KIT: variants seen among roughly 807,000 people sequenced by gnomAD.
KIT encodes the protein mast/stem cell growth factor receptor Kit.
A neutral mutation model predicts 105.7 loss-of-function variants in KIT; 16 were observed. The ratio of observed to expected loss-of-function variants is 0.15; its 90% CI spans 0.10 to 0.23. KIT has a LOEUF of 0.23. Among genes scored for constraint, KIT ranks in the 10% least tolerant of loss-of-function variants. KIT has a pLI of 1.00. For missense variants in KIT, 858 were observed against 1,213.8 expected (o/e 0.71, Z 4.36); for synonymous variants, 438 against 441.1 (o/e 0.99, Z 0.09).
chr4:54,669,854 A>G (rs1352916147), intron 1 of KIT, among the ~76,000 whole-genome samples: 1 of 152,250 alleles, frequency 6.6e-6, no homozygotes, highest in East Asian at 1.9e-4. Flanking sequence ...AGTTCAAAAA[A>G]GAGGAAAGCC....
intron 7 of KIT, among the ~76,000 whole-genome samples, chr4:54,717,089 G>A (rs1463513560): frequency 2.0e-5 from 3 of 152,026 alleles, no homozygotes; most frequent in Non-Finnish European, 2.9e-5. Flanking sequence ...AATTGCTTGG[G>A]AATTATGAAT....
chr4:54,732,966 A>AT, intron 16 of KIT, 104 bp from the exon 17 acceptor site: 1 of 976,400 alleles, frequency 1.0e-6, no homozygotes, highest in South Asian at 1.5e-5. Flanking sequence ...AAAGTATTGG[A>AT]TTTTTTATAA....
intron 1 of KIT, among the ~76,000 whole-genome samples, chr4:54,673,123 GC>G (rs1308442021): frequency 6.6e-6 from 1 of 152,136 alleles, no homozygotes; most frequent in African/African-American, 2.4e-5. Flanking sequence ...TATAGTATTG[GC>G]TGCTGTAGGT....
At chr4:54,683,477 A>G (rs755095185) in intron 1 of KIT, among the ~76,000 whole-genome samples, 20 of 152,202 alleles carry the variant, frequency 1.3e-4, no homozygotes, top group Non-Finnish European at 2.9e-4. Flanking sequence ...TTCTCCACCA[A>G]AAGGTGGGGG....
chr4:54,659,013 C>G (rs1369982967), intron 1 of KIT, among the ~76,000 whole-genome samples: 3 of 152,114 alleles, frequency 2.0e-5, no homozygotes, highest in African/African-American at 4.8e-5. Flanking sequence ...GCCAGAGTGC[C>G]CGGCCTGCCT....
At chr4:54,704,270 C>A (rs1720644152) in intron 5 of KIT, among the ~76,000 whole-genome samples, 1 of 152,190 alleles carries the variant, frequency 6.6e-6, no homozygotes. Context: ...TGAAGTATTT[C>A]TCTGAAACTT....
At chr4:54,658,666 C>G (rs911388030) in intron 1 of KIT, among the ~76,000 whole-genome samples, 10 of 152,050 alleles carry the variant, frequency 6.6e-5, no homozygotes, top group African/African-American at 2.4e-4. Flanking sequence ...CGGCGCCACC[C>G]GTGGAGACCA....
intron 6 of KIT, 106 bp from the exon 7 acceptor site, chr4:54,709,318 A>C: frequency 1.3e-6 from 1 of 756,100 alleles, no homozygotes; most frequent in Admixed American, 2.0e-5. Context: ...TAAATGAGTT[A>C]TATTTTTCCT....
chr4:54,720,346 A>G (rs1721788654), intron 7 of KIT, among the ~76,000 whole-genome samples: 1 of 152,192 alleles, frequency 6.6e-6, no homozygotes, highest in Admixed American at 6.5e-5. Context: ...AACTTAACAA[A>G]ACTGCTTAAT....
At chr4:54,737,367 C>T in intron 20 of KIT, 87 bp downstream of exon 20, 1 of 861,190 alleles carries the variant, frequency 1.2e-6, no homozygotes, top group South Asian at 1.3e-5. Flanking sequence ...TGAGGACTAA[C>T]CTCCCAACCC....
At chr4:54,726,161 C>T in intron 9 of KIT, 111 bp downstream of exon 9, 1 of 831,198 alleles carries the variant, frequency 1.2e-6, no homozygotes, top group Middle Eastern at 3.2e-4. Flanking sequence ...GTAATACATG[C>T]ATCACACCAT....
chr4:54,723,809 T>C lies in KIT; in HGVS notation c.1346+111T>C, dbSNP rs1722048588. On this transcript the variant is annotated intron_variant, in intron 8 of 20. Transcript: ENST00000288135. ...TTTTAAAAAAGCTTTGTTTTGATTA[T>C]TGTTTTTTTTCTAGCCATGTGGCTT... 3 of 780,966 alleles carry C rather than the reference T, an allele frequency of 3.8e-6. No individual in the cohort carries two copies. The East Asian group carries it at 7.9e-5, about 21-fold the overall frequency. The allele number at this position is 780,966 out of a possible 1,614,324, so 48.4% of individuals were successfully genotyped here. A position where few individuals can be genotyped will look rare whatever the true frequency, so the allele number is the denominator to read the frequency against.
At chr4:54,718,355 C>T (rs553549994) in intron 7 of KIT, among the ~76,000 whole-genome samples, 15 of 152,282 alleles carry the variant, frequency 9.9e-5, no homozygotes, top group African/African-American at 3.4e-4. Context: ...GCTGGGATTA[C>T]AAGCGTGAGC....
At chr4:54,694,545 T>C (rs2109656844) in intron 1 of KIT, among the ~76,000 whole-genome samples, 1 of 152,154 alleles carries the variant, frequency 6.6e-6, no homozygotes. Flanking sequence ...TTTTCTAGTT[T>C]TTGTAGATGT....
Position 54,716,517 on chromosome 4 carries a change from AT to A in KIT, c.1231+6987del, listed in dbSNP as rs913702311. ...TATTATACATTCCTCCAGACCATTA[AT>A]TTTTTTTTAAATAAAAATGAAGTCA... On this transcript the variant is annotated intron_variant, in intron 7 of 20. Coordinates refer to ENST00000288135, the MANE Select transcript of KIT (RefSeq NM_000222.3). Among the ~76,000 whole-genome samples, 465 of 151,724 alleles carry A rather than the reference AT, an allele frequency of 3.1e-3. 2 individuals are homozygous for A. Among genetic ancestry groups the A allele is most frequent in the African/African-American group, 0.01 (433 of 41,394 alleles).
At chr4:54,719,448 T>C (rs1254411767) in intron 7 of KIT, among the ~76,000 whole-genome samples, 1 of 152,218 alleles carries the variant, frequency 6.6e-6, no homozygotes, top group Non-Finnish European at 1.5e-5. Context: ...GGATTTTTAA[T>C]TGCATGAGCA....
chr4:54,723,779 A>T, intron 8 of KIT, 81 bp downstream of exon 8: 1 of 942,126 alleles, frequency 1.1e-6, no homozygotes, highest in Non-Finnish European at 1.7e-6. Context: ...ATGTTTTCTG[A>T]TTTTTTTTAA....
chr4:54,710,357 GACTA>G (rs749136426), intron 7 of KIT, among the ~76,000 whole-genome samples: 27 of 152,182 alleles, frequency 1.8e-4, no homozygotes, highest in Non-Finnish European at 3.4e-4. Context: ...CCCAATAAAT[GACTA>G]TTGGAATTGG....
At chr4:54,668,242 CTGTT>C (rs1218374277) in intron 1 of KIT, among the ~76,000 whole-genome samples, 1 of 152,076 alleles carries the variant, frequency 6.6e-6, no homozygotes, top group Non-Finnish European at 1.5e-5. Context: ...GAGGAGGTGG[CTGTT>C]TGTGGTGGGC....
Sources: allele counts gnomAD v4.1 joint callset (sites outside exome capture counted in the v4.1 genomes callset), GRCh38; gene constraint gnomAD v4.1.1; transcripts MANE v1.5; gene names NCBI Gene and HGNC (gene_info 2026-07-23, HGNC 2026-07-21).